Variants in NEK7 observed in about 807,000 individuals in gnomAD.
NEK7 encodes NIMA related kinase 7.
Under a neutral mutation model 44.6 loss-of-function variants are expected in NEK7, and 18 were observed. The ratio of observed to expected loss-of-function variants is 0.40; its 90% CI spans 0.28 to 0.60. NEK7 has a LOEUF of 0.60. NEK7 is among the 20% of genes least tolerant of loss of function. The pLI, the probability that NEK7 is intolerant of heterozygous loss-of-function variation, is 0.38. For synonymous variants in NEK7, 130 were observed against 121.1 expected (o/e 1.07, Z -0.48); for missense variants, 256 against 366.5 (o/e 0.70, Z 2.46).
intron 1 of NEK7, among the ~76,000 whole-genome samples, chr1:198,173,057 T>C (rs571503698): frequency 6.6e-6 from 1 of 152,254 alleles, no homozygotes; most frequent in South Asian, 2.1e-4. Context: ...GTGTCATCAG[T>C]AGAGAGACTG....
intron 1 of NEK7, among the ~76,000 whole-genome samples, chr1:198,218,566 TAAATG>T: frequency 6.6e-6 from 1 of 151,456 alleles, no homozygotes; most frequent in South Asian, 2.1e-4. Context: ...CAAAAATAAA[TAAATG>T]GGACCAAATT....
At chr1:198,177,285 A>C (rs1195913017) in intron 1 of NEK7, among the ~76,000 whole-genome samples, 1 of 152,148 alleles carries the variant, frequency 6.6e-6, no homozygotes, top group Non-Finnish European at 1.5e-5. Context: ...TTCTTCAGCC[A>C]AGAATTGGAA....
intron 1 of NEK7, among the ~76,000 whole-genome samples, chr1:198,165,303 T>G (rs1318191392): frequency 6.6e-6 from 1 of 152,188 alleles, no homozygotes; most frequent in Non-Finnish European, 1.5e-5. Flanking sequence ...TTTCAGAAGG[T>G]TTTCAGTTTA....
intron 9 of NEK7, among the ~76,000 whole-genome samples, chr1:198,310,698 G>A (rs1174429560): frequency 6.6e-6 from 1 of 152,046 alleles, no homozygotes; most frequent in Non-Finnish European, 1.5e-5. Context: ...ATTAAATAGG[G>A]AATCCTTTCC....
rs1404969739 is a variant in NEK7, at chr1:198,176,184, T to TCTTCATGTGGATCTTC, written c.-29+18908_-29+18909insCTTCATGTGGATCTTC. 5.9e-5 allele frequency among the ~76,000 whole-genome samples: 9 copies of TCTTCATGTGGATCTTC among 152,326 alleles called. 1 individual carries two copies. The South Asian group carries it at 1.0e-3, about 18-fold the overall frequency. ...ATTGGATCTTCATGTGTGCCGAAGG[T>TCTTCATGTGGATCTTC]ATAAAAATGAAGAGCAAATAGATTC... On this transcript the variant is annotated intron_variant, in intron 1 of 9. Transcript: ENST00000367385.
At chr1:198,181,940 T>G (rs1162718541) in intron 1 of NEK7, among the ~76,000 whole-genome samples, 1 of 152,046 alleles carries the variant, frequency 6.6e-6, no homozygotes, top group African/African-American at 2.4e-5. Flanking sequence ...ATGATTTCAT[T>G]TGTTAGGATT....
At chr1:198,189,781 ATAAACTT>A (rs776260588) in intron 1 of NEK7, among the ~76,000 whole-genome samples, 3 of 152,170 alleles carry the variant, frequency 2.0e-5, no homozygotes, top group Non-Finnish European at 4.4e-5. Context: ...AGCTCAAGTG[ATAAACTT>A]TAAAAACCTA....
chr1:198,270,133 A>G (rs186857537), intron 5 of NEK7, among the ~76,000 whole-genome samples: 9 of 152,114 alleles, frequency 5.9e-5, no homozygotes, highest in Admixed American at 1.3e-4. Context: ...ATATATAAAT[A>G]AGAGGATTTT....
chr1:198,307,741 C>CAACA (rs1655058003), intron 9 of NEK7, among the ~76,000 whole-genome samples: 1 of 152,120 alleles, frequency 6.6e-6, no homozygotes, highest in Admixed American at 6.6e-5. Flanking sequence ...CTATGATGAC[C>CAACA]TGTTAATATC....
At chr1:198,241,945 G>A (rs7538180) in intron 2 of NEK7, among the ~76,000 whole-genome samples, 78,090 of 151,936 alleles carry the variant, frequency 0.51, 23,339 homozygotes, top group East Asian at 0.9. Flanking sequence ...CTTCCATATC[G>A]TATCTTTTAT....
At chr1:198,271,016 C>T (rs1653821762) in intron 5 of NEK7, among the ~76,000 whole-genome samples, 1 of 152,006 alleles carries the variant, frequency 6.6e-6, no homozygotes, top group Admixed American at 6.6e-5. Flanking sequence ...TCCTGGTTGT[C>T]AACTGGGGGT....
At chr1:198,230,267 T>C (rs1373318243) in intron 1 of NEK7, among the ~76,000 whole-genome samples, 1 of 152,198 alleles carries the variant, frequency 6.6e-6, no homozygotes, top group Non-Finnish European at 1.5e-5. Flanking sequence ...TTGGATTCAC[T>C]TCTAGGATTA....
chr1:198,262,560 G>T lies in NEK7; in HGVS notation c.199-15G>T, dbSNP rs1169505468. The T allele has an allele frequency of 2.0e-6, 3 of 1,528,004 alleles. No individual in the cohort carries two copies. Among genetic ancestry groups the T allele is most frequent in the Non-Finnish European group, 2.7e-6 (3 of 1,110,276 alleles). 94.7% of individuals were successfully genotyped at this position (1,528,004 alleles called of 1,614,324 possible). A position where few individuals can be genotyped will look rare whatever the true frequency, so the allele number is the denominator to read the frequency against. On this transcript the variant is annotated splice_polypyrimidine_tract_variant and intron_variant, in intron 3 of 9. Transcript: ENST00000367385. ...GGTTATTATTTTATTAAGTAATTCT[G>T]GGTTCTGTTTTTAGATATTTGATTT... is the stretch of plus-strand genomic sequence containing the variant.
chr1:198,246,682 CTT>C (rs1400744239), intron 2 of NEK7, among the ~76,000 whole-genome samples: 2 of 152,252 alleles, frequency 1.3e-5, no homozygotes, highest in Non-Finnish European at 2.9e-5. Flanking sequence ...ATTAGTAAGA[CTT>C]TGCTCTCAGC....
chr1:198,196,277 G>T (rs1558051147), intron 1 of NEK7, among the ~76,000 whole-genome samples: 1 of 152,194 alleles, frequency 6.6e-6, no homozygotes, highest in Non-Finnish European at 1.5e-5. Flanking sequence ...AGTAAAAGAT[G>T]CATGAGAACA....
chr1:198,274,944 G>A (rs1162627911), intron 5 of NEK7, among the ~76,000 whole-genome samples: 4 of 151,806 alleles, frequency 2.6e-5, no homozygotes, highest in African/African-American at 4.8e-5. Flanking sequence ...AGGTGGTGAC[G>A]CAGATGGGTT....
chr1:198,190,661 A>G (rs962942867), intron 1 of NEK7, among the ~76,000 whole-genome samples: 2 of 152,104 alleles, frequency 1.3e-5, no homozygotes, highest in African/African-American at 2.4e-5. Flanking sequence ...ATAAATGCAA[A>G]TGTATCTGTA....
intron 5 of NEK7, among the ~76,000 whole-genome samples, chr1:198,266,642 G>T (rs1333963220): frequency 6.6e-6 from 1 of 151,986 alleles, no homozygotes; most frequent in Non-Finnish European, 1.5e-5. Flanking sequence ...CTTAATGATT[G>T]AGCCAGTTTC....
intron 2 of NEK7, among the ~76,000 whole-genome samples, chr1:198,249,893 A>AT: frequency 6.8e-6 from 1 of 146,526 alleles, no homozygotes; most frequent in African/African-American, 2.6e-5. Flanking sequence ...ATTAGATCCC[A>AT]TTTGTCAATT....
Sources: allele counts gnomAD v4.1 joint callset (sites outside exome capture counted in the v4.1 genomes callset), GRCh38; gene constraint gnomAD v4.1.1; transcripts MANE v1.5; gene names NCBI Gene and HGNC (gene_info 2026-07-23, HGNC 2026-07-21).